The following HSD17B11 variants were observed in gnomAD, a reference collection of about 807,000 sequenced individuals.
HSD17B11 encodes hydroxysteroid 17-beta dehydrogenase 11.
HSD17B11 carries 22 observed loss-of-function variants against 27.8 expected under a neutral mutation model. The observed-to-expected ratio is 0.79, with a 90% CI of 0.56 to 1.13. HSD17B11 has a LOEUF of 1.13. HSD17B11 is among the 50% of genes most tolerant of loss of function. The pLI is 0.00. For synonymous variants in HSD17B11, 117 were observed against 132.8 expected, an observed-to-expected ratio of 0.88 and a Z score of 0.82; for missense variants, 314 against 351.1, an observed-to-expected ratio of 0.89 and a Z score of 0.84.
chr4:87,356,102 AAG>A (rs1181438838), intron 5 of HSD17B11, among the ~76,000 whole-genome samples: 5 of 152,184 alleles, frequency 3.3e-5, no homozygotes, highest in African/African-American at 1.2e-4. Flanking sequence ...CGGTGATTAA[AAG>A]AGTCACAGAA....
intron 4 of HSD17B11, among the ~76,000 whole-genome samples, chr4:87,363,183 C>G (rs1351633519): frequency 6.6e-6 from 1 of 152,008 alleles, no homozygotes; most frequent in African/African-American, 2.4e-5. Context: ...GCCACAAGCC[C>G]GATCACTAGG....
chr4:87,338,184 T>C (rs1578450961), intron 6 of HSD17B11, among the ~76,000 whole-genome samples: 1 of 152,270 alleles, frequency 6.6e-6, no homozygotes, highest in East Asian at 1.9e-4. Context: ...GCCATTGCGC[T>C]CCAGCCTGGG....
At chr4:87,373,296 C>T (rs751068184) in intron 3 of HSD17B11, 2 of 154,550 alleles carry the variant, frequency 1.3e-5, no homozygotes, top group Non-Finnish European at 2.8e-5. Context: ...GCCAAGATCA[C>T]GCCACTGTGC....
chr4:87,367,537 G>A (rs186098077), intron 4 of HSD17B11, among the ~76,000 whole-genome samples: 5 of 152,208 alleles, frequency 3.3e-5, no homozygotes, highest in South Asian at 2.1e-4. Flanking sequence ...AATTATTCTC[G>A]CTGCACTTTA....
At chr4:87,376,007 T>C (rs893474130) in intron 2 of HSD17B11, among the ~76,000 whole-genome samples, 1 of 152,146 alleles carries the variant, frequency 6.6e-6, no homozygotes, top group Non-Finnish European at 1.5e-5. Flanking sequence ...CTCTGCAAAA[T>C]AGAGATACTA....
intron 2 of HSD17B11, among the ~76,000 whole-genome samples, chr4:87,379,936 A>G (rs114056144): frequency 0.039 from 5,690 of 146,624 alleles, 404 homozygotes; most frequent in African/African-American, 0.13. Flanking sequence ...TATATACTAT[A>G]TAAGTATATA....
At chr4:87,387,877 A>G (rs1261789616) in intron 1 of HSD17B11, among the ~76,000 whole-genome samples, 1 of 152,136 alleles carries the variant, frequency 6.6e-6, no homozygotes, top group African/African-American at 2.4e-5. Flanking sequence ...AACCCGGTTC[A>G]ATAGTCCCCA....
intron 5 of HSD17B11, among the ~76,000 whole-genome samples, chr4:87,343,235 C>T (rs902069900): frequency 1.3e-5 from 2 of 152,138 alleles, no homozygotes; most frequent in African/African-American, 2.4e-5. Context: ...AAAGAAAAGG[C>T]TTTCAGAAAA....
chr4:87,375,672 C>G (rs1290849469), intron 2 of HSD17B11, among the ~76,000 whole-genome samples: 2 of 152,160 alleles, frequency 1.3e-5, no homozygotes, highest in African/African-American at 2.4e-5. Flanking sequence ...ACCCGAGAGG[C>G]GGAAGTTGCG....
chr4:87,370,098 GT>G (rs1735680544), intron 4 of HSD17B11, among the ~76,000 whole-genome samples: 1 of 152,182 alleles, frequency 6.6e-6, no homozygotes, highest in Non-Finnish European at 1.5e-5. Context: ...TTCTGTGGCT[GT>G]AGTAACTCAG....
chr4:87,377,253 C>A (rs1348627901), intron 2 of HSD17B11, among the ~76,000 whole-genome samples: 1 of 152,120 alleles, frequency 6.6e-6, no homozygotes, highest in Non-Finnish European at 1.5e-5. Context: ...AGTTCAAGAC[C>A]AGCCTGACCA....
intron 1 of HSD17B11, chr4:87,386,021 T>C (rs1340789332): frequency 2.0e-5 from 3 of 152,182 alleles, no homozygotes; most frequent in Non-Finnish European, 4.4e-5. Flanking sequence ...GTCCCATTTA[T>C]TCTGTTTTCA....
At chr4:87,378,869 T>C in intron 2 of HSD17B11, among the ~76,000 whole-genome samples, 1 of 18,824 alleles carries the variant, frequency 5.3e-5, no homozygotes, top group Admixed American at 1.0e-3. Flanking sequence ...TATATATAAA[T>C]ATATATATAT....
At chr4:87,387,642 T>C (rs779955720) in intron 1 of HSD17B11, among the ~76,000 whole-genome samples, 13 of 152,196 alleles carry the variant, frequency 8.5e-5, no homozygotes, top group Non-Finnish European at 1.8e-4. Context: ...CGAACTAGGA[T>C]TGCCAAACTT....
chr4:87,378,919 AATATATATAAATATATATAT>A (rs1560769526), intron 2 of HSD17B11, among the ~76,000 whole-genome samples: 1 of 5,928 alleles, frequency 1.7e-4, no homozygotes, highest in Non-Finnish European at 2.7e-4. Flanking sequence ...TATATATATA[AATATATATAAATATATATAT>A]ATATATATTT....
intron 5 of HSD17B11, among the ~76,000 whole-genome samples, chr4:87,346,123 C>T (rs1369963695): frequency 6.6e-6 from 1 of 152,120 alleles, no homozygotes; most frequent in Non-Finnish European, 1.5e-5. Flanking sequence ...GCTCACCATA[C>T]ACAAAACAGT....
chr4:87,355,142 T>A (rs1296890362), intron 5 of HSD17B11, among the ~76,000 whole-genome samples: 1 of 151,892 alleles, frequency 6.6e-6, no homozygotes, highest in Non-Finnish European at 1.5e-5. Flanking sequence ...TTGAATCTCA[T>A]CATTACAATA....
chr4:87,384,742 T>C (rs1248534064), intron 1 of HSD17B11, among the ~76,000 whole-genome samples: 1 of 147,006 alleles, frequency 6.8e-6, no homozygotes, highest in African/African-American at 2.7e-5. Flanking sequence ...TCTCGAACCC[T>C]GTTTTCTGTT....
chr4:87,359,218 G>A (rs1423815598), intron 4 of HSD17B11, among the ~76,000 whole-genome samples: 1 of 152,124 alleles, frequency 6.6e-6, no homozygotes, highest in Non-Finnish European at 1.5e-5. Context: ...CAGGGTGAGA[G>A]GGGACTAATA....
Sources: gnomAD v4.1 joint callset for allele counts (sites outside exome capture counted in the v4.1 genomes callset) on GRCh38, gnomAD v4.1.1 for gene constraint, MANE v1.5 for transcripts, NCBI Gene and HGNC (gene_info 2026-07-23, HGNC 2026-07-21) for gene names.